PML: variants seen among roughly 807,000 people sequenced by gnomAD.
The protein encoded by PML is protein PML.
Under a neutral mutation model 65.2 loss-of-function variants are expected in PML, and 28 were observed. That is an observed-to-expected ratio of 0.43 (90% CI 0.32 to 0.59). PML has a LOEUF of 0.59. PML is among the 20% of genes least tolerant of loss of function. PML has a pLI of 0.08. For synonymous variants in PML, 500 were observed against 508.8 expected (o/e 0.98, Z 0.23); for missense variants, 1,021 against 1,203.4 (o/e 0.85, Z 2.24).
chr15:74,003,734 T>G (rs2069895932), intron 2 of PML, among the ~76,000 whole-genome samples: 3 of 152,232 alleles, frequency 2.0e-5, no homozygotes, highest in Non-Finnish European at 4.4e-5. Context: ...AGCCATACCT[T>G]ATACTTTAAT....
chr15:74,043,219 GCCAGGC>G lies in PML; in HGVS notation c.1861+86_1861+91del. On this transcript the variant is annotated intron_variant, in intron 8 of 8. Coordinates refer to ENST00000268058, the MANE Select transcript of PML (RefSeq NM_033238.3). This position sits in a 1 kb window ranked among gnomAD's most constrained non-coding sequence, Gnocchi z 4.3. ...AAAAGAAGTGCAGGCAGAGCCATCT[GCCAGGC>G]CCAGGAGAGCTCTGAGCTCTGGCCA... is the stretch of plus-strand genomic sequence containing the variant. The G allele has an allele frequency of 6.2e-7, 1 of 1,612,684 alleles. No homozygotes were observed. Among genetic ancestry groups the G allele is most frequent in the Non-Finnish European group, 8.5e-7 (1 of 1,179,452 alleles).
intron 2 of PML, among the ~76,000 whole-genome samples, chr15:74,000,779 C>A (rs2069725906): frequency 6.6e-6 from 1 of 151,912 alleles, no homozygotes; most frequent in African/African-American, 2.4e-5. Flanking sequence ...TTTGTTGAAT[C>A]CACGGGTGCG....
rs761166887 is a variant in PML at position 74,043,217 on chromosome 15, C to G, written c.1861+78C>G. ...CAAAAAGAAGTGCAGGCAGAGCCATCTGCCAGGCCCAGGAGAGCTCTGAGC... is the reference window on the plus strand; with the variant it reads ...CAAAAAGAAGTGCAGGCAGAGCCATGTGCCAGGCCCAGGAGAGCTCTGAGC... On this transcript the variant is annotated intron_variant, in intron 8 of 8. Transcript: ENST00000268058. This position sits in a 1 kb window ranked among gnomAD's most constrained non-coding sequence, Gnocchi z 4.3. 1.2e-5 allele frequency: 20 copies of G among 1,612,894 alleles called. 1 individual carries two copies. The Admixed American group carries it at 1.8e-4, about 15-fold the overall frequency.
chr15:74,035,251 C>T lies in PML; in HGVS notation c.1710+721C>T, dbSNP rs757831781. On this transcript the variant is annotated intron_variant, in intron 7 of 8. Transcript: ENST00000268058. This position sits in a 1 kb window ranked among gnomAD's most constrained non-coding sequence, Gnocchi z 4.1. ...CCAGCCCACTCCTCGCCAGCCCACTCCTCGCCAGTCCAGTCTCTGCTGAGA... is the reference window on the plus strand; with the variant it reads ...CCAGCCCACTCCTCGCCAGCCCACTTCTCGCCAGTCCAGTCTCTGCTGAGA... 1.9e-6 allele frequency: 3 copies of T among 1,612,120 alleles called. No homozygotes were observed. Among genetic ancestry groups the T allele is most frequent in the Non-Finnish European group, 2.5e-6 (3 of 1,178,812 alleles).
At chr15:74,014,639 A>G (rs1409550294) in intron 2 of PML, among the ~76,000 whole-genome samples, 8 of 151,714 alleles carry the variant, frequency 5.3e-5, no homozygotes, top group Non-Finnish European at 1.2e-4. Context: ...GCGGGTGCCT[A>G]TAGTCCCAGC....
At chr15:74,039,708 G>A (rs1223960553) in intron 7 of PML, among the ~76,000 whole-genome samples, 1 of 152,190 alleles carries the variant, frequency 6.6e-6, no homozygotes, top group East Asian at 1.9e-4. Flanking sequence ...TTTTCTTAAA[G>A]CTATGAATGC....
chr15:74,010,185 ATTTT>A (rs536738558), intron 2 of PML, among the ~76,000 whole-genome samples: 2,564 of 77,550 alleles, frequency 0.033, 16 homozygotes, highest in African/African-American at 0.037. Context: ...TGCCCAGCTA[ATTTT>A]TTTTTTTTTT....
chr15:74,011,999 T>C (rs1371498240), intron 2 of PML, among the ~76,000 whole-genome samples: 2 of 152,236 alleles, frequency 1.3e-5, no homozygotes, highest in Non-Finnish European at 2.9e-5. Flanking sequence ...GAGTGTATCT[T>C]AAGTAAGCAT....
At chr15:74,033,760 A>G (rs2071423008) in intron 6 of PML, 3 of 591,944 alleles carry the variant, frequency 5.1e-6, no homozygotes, top group African/African-American at 1.9e-5. Flanking sequence ...GCATACCATA[A>G]CAGGAAACTG....
chr15:74,000,229 A>T (rs2069698554), intron 2 of PML, among the ~76,000 whole-genome samples: 1 of 152,238 alleles, frequency 6.6e-6, no homozygotes, highest in Non-Finnish European at 1.5e-5. Flanking sequence ...AAATTCATAG[A>T]TGCTCAAGTC....
chr15:74,031,252 G>T, intron 4 of PML: 1 of 445,486 alleles, frequency 2.2e-6, no homozygotes, highest in Non-Finnish European at 4.5e-6. Flanking sequence ...TTTGTGTCTG[G>T]TTTCTTTTTT....
rs756926576 is a variant in PML at position 74,035,515 on chromosome 15, C to T, written c.1710+985C>T. ...CAATTGCATCGGGCCCCTATTCGGA[C>T]TTGGTCTCCCCATGTGGTCCAAGCC... On this transcript the variant is annotated intron_variant, in intron 7 of 8. Coordinates refer to ENST00000268058, the MANE Select transcript of PML (RefSeq NM_033238.3). The surrounding 1 kb of genome is among the most constrained non-coding windows in gnomAD (Gnocchi z 4.1). 24 of 1,611,526 alleles carry T rather than the reference C, an allele frequency of 1.5e-5. No individual in the cohort carries two copies. Among genetic ancestry groups the T allele is most frequent in the Non-Finnish European group, 1.9e-5 (23 of 1,179,642 alleles).
At chr15:74,000,634 A>G (rs940978104) in intron 2 of PML, among the ~76,000 whole-genome samples, 8 of 152,318 alleles carry the variant, frequency 5.3e-5, no homozygotes, top group Admixed American at 3.9e-4. Flanking sequence ...AGTCATCTCT[A>G]GATTACTTAT....
In PML at chr15:74,032,726, C is replaced by T. The variant is rs369298871; in HGVS notation, c.1398+11C>T. 14 of 1,613,858 alleles carry T rather than the reference C, an allele frequency of 8.7e-6. No homozygotes were observed. The highest frequency in any genetic ancestry group is 6.7e-5 in the African/African-American group (5 of 74,932). ...CCTTCCTATGGAGAGGTAAGGTTCT[C>T]CCCAGCCCCAGCCTTCCCTCCTGAA... On this transcript the variant is annotated intron_variant, in intron 5 of 8. Coordinates refer to ENST00000268058, the MANE Select transcript of PML (RefSeq NM_033238.3).
At chr15:74,017,257 C>A in intron 2 of PML, among the ~76,000 whole-genome samples, 1 of 152,156 alleles carries the variant, frequency 6.6e-6, no homozygotes, top group East Asian at 1.9e-4. Context: ...GGGTATGAAA[C>A]AAGAAGCAAG....
At chr15:74,007,492 G>A (rs2141756301) in intron 2 of PML, among the ~76,000 whole-genome samples, 1 of 152,298 alleles carries the variant, frequency 6.6e-6, no homozygotes, top group Non-Finnish European at 1.5e-5. Flanking sequence ...AGTGGTTACT[G>A]GACAAACTCA....
At chr15:74,029,150 C>T (rs1448468226) in intron 4 of PML, among the ~76,000 whole-genome samples, 1 of 152,138 alleles carries the variant, frequency 6.6e-6, no homozygotes, top group African/African-American at 2.4e-5. Flanking sequence ...GACTTCTCTA[C>T]AGCCTCACCA....
chr15:74,034,767 G>A (rs1409341670), intron 7 of PML: 26 of 1,455,852 alleles, frequency 1.8e-5, no homozygotes, highest in Non-Finnish European at 3.6e-6. Context: ...GATAGCATGT[G>A]TCCAGAGCCC....
At chr15:74,038,071 C>T (rs1222431299) in intron 7 of PML, among the ~76,000 whole-genome samples, 1 of 152,176 alleles carries the variant, frequency 6.6e-6, no homozygotes. Flanking sequence ...GATTATTCCT[C>T]ACATCCAACC....
Sources: gnomAD v4.1 joint callset for allele counts (sites outside exome capture counted in the v4.1 genomes callset) on GRCh38, gnomAD v4.1.1 for gene constraint, Gnocchi (gnomAD v3.1) non-coding constraint, MANE v1.5 for transcripts, NCBI Gene and HGNC (gene_info 2026-07-23, HGNC 2026-07-21) for gene names.